The following TENM2 variants were observed in gnomAD, a reference collection of about 807,000 sequenced individuals.
The protein encoded by TENM2 is teneurin transmembrane protein 2.
In TENM2, 52 loss-of-function variants were observed where a neutral mutation model predicts 245.2. That is an observed-to-expected ratio of 0.21 (90% CI 0.17 to 0.27). The LOEUF is 0.27. TENM2 is among the 10% of genes least tolerant of loss of function. The probability of loss-of-function intolerance (pLI) is 1.00; values close to 1 mark genes in which losing one functional copy is unlikely to be tolerated. For missense variants in TENM2, 3,046 were observed against 3,666.8 expected (o/e 0.83, Z 4.37); for synonymous variants, 1,363 against 1,438.9 (o/e 0.95, Z 1.19).
intron 2 of TENM2, among the ~76,000 whole-genome samples, chr5:167,507,379 G>C (rs758333842): frequency 1.2e-4 from 19 of 152,154 alleles, no homozygotes; most frequent in South Asian, 4.1e-4. Context: ...AATATCAAAG[G>C]CTGAAGTATT....
At chr5:167,702,710 G>T (rs926529536) in intron 2 of TENM2, among the ~76,000 whole-genome samples, 1 of 151,746 alleles carries the variant, frequency 6.6e-6, no homozygotes, top group Non-Finnish European at 1.5e-5. Flanking sequence ...AGACTCTCAG[G>T]CTGGAGTGCA....
chr5:167,592,382 C>T (rs556758049), intron 2 of TENM2, among the ~76,000 whole-genome samples: 18 of 152,224 alleles, frequency 1.2e-4, no homozygotes, highest in African/African-American at 4.3e-4. Flanking sequence ...TGTTGGTAAA[C>T]CCCTTTATTA....
At chr5:167,476,701 C>T (rs1283449275) in intron 2 of TENM2, among the ~76,000 whole-genome samples, 1 of 152,144 alleles carries the variant, frequency 6.6e-6, no homozygotes, top group African/African-American at 2.4e-5. Flanking sequence ...TGGATTCAAG[C>T]AATTCTCCTG....
chr5:167,524,042 CTA>C (rs1288358956), intron 2 of TENM2, among the ~76,000 whole-genome samples: 10 of 152,122 alleles, frequency 6.6e-5, no homozygotes, highest in Admixed American at 5.9e-4. Flanking sequence ...CTCAGTTAGC[CTA>C]TGATTCTTTT....
the TENM2 span, among the ~76,000 whole-genome samples, chr5:167,224,825 A>G: frequency 6.6e-6 from 1 of 152,006 alleles, no homozygotes; most frequent in Non-Finnish European, 1.5e-5. Flanking sequence ...AATTGTTCTA[A>G]TCCATAGGCA....
intron 2 of TENM2, among the ~76,000 whole-genome samples, chr5:167,384,694 A>G (rs1488908480): frequency 8.3e-6 from 1 of 120,212 alleles, no homozygotes; most frequent in Non-Finnish European, 1.7e-5. Context: ...CAGCGCGTGC[A>G]CACGCGTGCG....
At chr5:168,189,528 G>C (rs192104644) in intron 13 of TENM2, among the ~76,000 whole-genome samples, 5 of 152,180 alleles carry the variant, frequency 3.3e-5, no homozygotes, top group African/African-American at 1.2e-4. Context: ...ATAATGTTCC[G>C]AGTCCTGAGG....
intron 2 of TENM2, among the ~76,000 whole-genome samples, chr5:167,457,116 C>T (rs935284363): frequency 6.6e-5 from 10 of 152,048 alleles, no homozygotes; most frequent in African/African-American, 2.2e-4. Context: ...AACATTCTCT[C>T]CTCTCTCCTT....
At chr5:168,126,309 C>T (rs1003589973) in intron 11 of TENM2, among the ~76,000 whole-genome samples, 2 of 152,110 alleles carry the variant, frequency 1.3e-5, no homozygotes, top group African/African-American at 4.8e-5. Context: ...AGTCAGGATC[C>T]GTACATGGAT....
rs3083413 is a variant in TENM2 at position 168,090,218 on chromosome 5, CCACACACACACACA to C, written c.1516-324_1516-311del. 8.0e-3 allele frequency among the ~76,000 whole-genome samples: 1,091 copies of C among 136,788 alleles called. 11 individuals are homozygous for C. Among genetic ancestry groups the C allele is most frequent in the African/African-American group, 0.027 (978 of 36,370 alleles). The allele number at this position is 136,788 out of a possible 152,430, so 89.7% of individuals were successfully genotyped here. On this transcript the variant is annotated intron_variant, in intron 7 of 28. Transcript: ENST00000518659. Reference sequence around the variant, plus strand: ...GCAACAGCATATACCACTCCCCCCACCACACACACACACACACACACACACACACACACACACAC... The same window carrying C: ...GCAACAGCATATACCACTCCCCCCACCACACACACACACACACACACACAC...
chr5:167,337,445 CTTAAAA>C (rs1757847189), intron 1 of TENM2, among the ~76,000 whole-genome samples: 1 of 151,972 alleles, frequency 6.6e-6, no homozygotes, highest in Admixed American at 6.6e-5. Context: ...TTTCAGCCAA[CTTAAAA>C]TTCAAATACA....
chr5:167,265,098 C>A, the TENM2 span, among the ~76,000 whole-genome samples: 1 of 151,450 alleles, frequency 6.6e-6, no homozygotes, highest in African/African-American at 2.4e-5. Context: ...GAGACCGAGG[C>A]GAGTGGATCA....
chr5:167,109,706 C>T, the TENM2 span, among the ~76,000 whole-genome samples: 2 of 152,160 alleles, frequency 1.3e-5, no homozygotes, highest in South Asian at 4.2e-4. Flanking sequence ...TAATACAACT[C>T]ACTTCTCACG....
Position 168,052,063 on chromosome 5 carries a change from C to A in TENM2, c.1309+4514C>A, listed in dbSNP as rs937775063. Reference sequence around the variant, plus strand: ...TCACTTAAGGCCAGGAGGTCGAGACCAGCCTGGGCAACAAAGTGAGACCTC... The same window carrying A: ...TCACTTAAGGCCAGGAGGTCGAGACAAGCCTGGGCAACAAAGTGAGACCTC... On this transcript the variant is annotated intron_variant, in intron 6 of 28. Transcript: ENST00000518659. Among the ~76,000 whole-genome samples, 3 of 152,082 alleles carry A rather than the reference C, an allele frequency of 2.0e-5. 1 individual carries two copies. Among genetic ancestry groups the A allele is most frequent in the Middle Eastern group, 6.8e-3 (2 of 292 alleles).
At chr5:168,210,115 C>T (rs557988662) in intron 19 of TENM2, among the ~76,000 whole-genome samples, 2 of 152,168 alleles carry the variant, frequency 1.3e-5, no homozygotes, top group African/African-American at 4.8e-5. Flanking sequence ...GACATCTGTA[C>T]CCAGCTGCAT....
the TENM2 span, among the ~76,000 whole-genome samples, chr5:167,006,893 C>T: frequency 2.6e-5 from 4 of 152,076 alleles, no homozygotes; most frequent in Admixed American, 2.6e-4. Context: ...TCTTGAACTC[C>T]CGACCTCAGG....
the TENM2 span, among the ~76,000 whole-genome samples, chr5:167,124,680 T>C: frequency 6.6e-6 from 1 of 152,182 alleles, no homozygotes; most frequent in South Asian, 2.1e-4. Context: ...TCCATCTGCT[T>C]ATCCCTGAGA....
chr5:167,068,171 G>A, the TENM2 span, among the ~76,000 whole-genome samples: 1 of 152,172 alleles, frequency 6.6e-6, no homozygotes. Flanking sequence ...CATTTGATGT[G>A]TCTTTCTGAA....
intron 2 of TENM2, among the ~76,000 whole-genome samples, chr5:167,626,868 C>A (rs1307551588): frequency 6.6e-6 from 1 of 152,176 alleles, no homozygotes; most frequent in African/African-American, 2.4e-5. Flanking sequence ...TCCCCAAAGG[C>A]AGTAACACCG....
Sources: allele counts gnomAD v4.1 joint callset (sites outside exome capture counted in the v4.1 genomes callset), GRCh38; gene constraint gnomAD v4.1.1; transcripts MANE v1.5; gene names NCBI Gene and HGNC (gene_info 2026-07-23, HGNC 2026-07-21).